The following CCN2 variants were observed in gnomAD, a reference collection of about 807,000 sequenced individuals.
CCN2 encodes the protein cellular communication network factor 2.
In CCN2, 22 loss-of-function variants were observed where a neutral mutation model predicts 33.2. The ratio of observed to expected loss-of-function variants is 0.66; its 90% CI spans 0.47 to 0.95. CCN2 has a LOEUF of 0.95. Among genes scored for constraint, CCN2 ranks in the 40% least tolerant of loss-of-function variants. The pLI is 0.00. For synonymous variants in CCN2, 178 were observed against 200.6 expected (o/e 0.89, Z 0.95); for missense variants, 469 against 498.8 (o/e 0.94, Z 0.57).
intron 1 of CCN2, 57 bp from the exon 2 acceptor site, chr6:131,951,049 C>T: frequency 7.9e-7 from 1 of 1,265,466 alleles, no homozygotes; most frequent in South Asian, 2.8e-5. Context: ...CCCTCCCCGG[C>T]CGGCCCCGAG....
At position 131,951,193 on chromosome 6, in the gene CCN2, C is replaced by T. The variant is rs551939979; in HGVS notation, c.-21G>A. On this transcript the variant is annotated 5_prime_UTR_variant, in exon 1 of 5. Transcript: ENST00000367976. ...GTCATGGTTGGCACTGCGGGCGGAG[C>T]GGAGGGCGCGGTGGCGGCGAGCGGG... The T allele has an allele frequency of 2.3e-6, 3 of 1,295,998 alleles. No homozygotes were observed. Among genetic ancestry groups the T allele is most frequent in the African/African-American group, 3.1e-5 (2 of 65,324 alleles). 80.3% of individuals were successfully genotyped at this position (1,295,998 alleles called of 1,614,324 possible).
chr6:131,949,584 AG>A (rs1585880038), intron 4 of CCN2, 24 bp from the exon 5 acceptor site: 12 of 856,282 alleles, frequency 1.4e-5, no homozygotes, highest in Admixed American at 1.3e-4. Context: ...GGGAAAAGAG[AG>A]AGGAAAAAAA....
Position 131,950,115 on chromosome 6 carries a change from C to G in CCN2, c.587G>C (p.Arg196Thr), listed in dbSNP as rs566555616. 2.5e-6 allele frequency: 4 copies of G among 1,614,212 alleles called. No individual in the cohort carries two copies. The South Asian group carries it at 3.3e-5, about 13-fold the overall frequency. The change falls in exon 4 of 5, where the codon AGA (arginine) becomes ACA (threonine). Residue 196 changes from arginine to threonine, a missense_variant. By Grantham distance (71) the Arg-to-Thr change is moderately conservative. Coordinates refer to ENST00000367976, the MANE Select transcript of CCN2 (RefSeq NM_001901.4). This position sits in a 1 kb window ranked among gnomAD's most constrained non-coding sequence, Gnocchi z 7.1. ...DTFGPDPTMI[R>T]ANCLVQTTEW... ...TGTGGTCTGGACCAGGCAGTTGGCTCTAATCATAGTTGGGTCTGGGCCAAA... is the reference window on the plus strand; with the variant it reads ...TGTGGTCTGGACCAGGCAGTTGGCTGTAATCATAGTTGGGTCTGGGCCAAA...
In CCN2 at chr6:131,950,489, G is replaced by A. The variant is rs754404946; in HGVS notation, c.344C>T (p.Ser115Phe). ...CTGGTACTTGCAGCTGCTCTGGAAG[G>A]ACTCTCCGCTGCGGTACACCGTACC... ...FGGTVYRSGE[S>F]FQSSCKYQCT... Residue 115 changes from serine to phenylalanine, a missense_variant, in exon 3 of 5, where the codon TCC becomes TTC. Ser to Phe is a radical substitution (Grantham distance 155). Transcript: ENST00000367976. The surrounding 1 kb of genome is among the most constrained non-coding windows in gnomAD (Gnocchi z 7.1). 14 of 1,613,946 alleles carry A rather than the reference G, an allele frequency of 8.7e-6. No homozygotes were observed. The highest frequency in any genetic ancestry group is 1.7e-5 in the Admixed American group (1 of 60,034).
At position 131,950,996 on chromosome 6, in the gene CCN2, C is replaced by T. The variant is rs560896250; in HGVS notation, c.67-4G>A. ...TGCAGTTCTGGCCGACGGCCGGCTG[C>T]AGGGAGGACAGGGCGGTCAGCGGCG... On this transcript the variant is annotated splice_polypyrimidine_tract_variant and splice_region_variant and intron_variant, in intron 1 of 4. Transcript: ENST00000367976. This position sits in a 1 kb window ranked among gnomAD's most constrained non-coding sequence, Gnocchi z 7.1. 9.6e-4 allele frequency: 1,255 copies of T among 1,306,384 alleles called. 10 individuals carry two copies. The African/African-American group carries it at 0.016, about 17-fold the overall frequency. The allele number at this position is 1,306,384 out of a possible 1,614,324, so 80.9% of individuals were successfully genotyped here. A position where few individuals can be genotyped will look rare whatever the true frequency, so the allele number is the denominator to read the frequency against.
In CCN2 at chr6:131,950,378, C is replaced by T; in HGVS notation, c.455G>A (p.Arg152Lys). The change falls in exon 3 of 5, where the codon AGG (arginine) becomes AAG (lysine). Residue 152 changes from arginine (R) to lysine (K), a missense_variant. By Grantham distance (26) the Arg-to-Lys change is conservative. Coordinates refer to ENST00000367976, the MANE Select transcript of CCN2 (RefSeq NM_001901.4). The surrounding 1 kb of genome is among the most constrained non-coding windows in gnomAD (Gnocchi z 7.1). The part of the protein sequence containing the change: ...RLPSPDCPFP[R>K]RVKLPGKCCE... ...GCATTTCCCGGGCAGCTTGACCCTC[C>T]TCGGGAAGGGGCAGTCAGGGCTGGG... is the stretch of plus-strand genomic sequence containing the variant. The T allele has an allele frequency of 6.2e-7, 1 of 1,614,132 alleles. No homozygotes were observed. Among genetic ancestry groups the T allele is most frequent in the Non-Finnish European group, 8.5e-7 (1 of 1,180,024 alleles).
chr6:131,950,246 C>T lies in CCN2; in HGVS notation c.541+46G>A. The T allele has an allele frequency of 1.9e-6, 3 of 1,610,164 alleles. No individual in the cohort carries two copies. Among genetic ancestry groups the T allele is most frequent in the Non-Finnish European group, 2.5e-6 (3 of 1,177,008 alleles). On this transcript the variant is annotated intron_variant, in intron 3 of 4. Transcript: ENST00000367976. This position sits in a 1 kb window ranked among gnomAD's most constrained non-coding sequence, Gnocchi z 7.1. The stretch of plus-strand genomic sequence containing the variant: ...CGGTCGGCACAGTTAGGACTCCCTC[C>T]CTGGGAGAGAATCACGACCCTGACT...
chr6:131,950,019 C>CA lies in CCN2; in HGVS notation c.682dup (p.Cys228LeufsTer18). On this transcript the variant is annotated frameshift_variant, in exon 4 of 5. Coordinates refer to ENST00000367976, the MANE Select transcript of CCN2 (RefSeq NM_001901.4). LOFTEE classifies it high-confidence loss of function. This position sits in a 1 kb window ranked among gnomAD's most constrained non-coding sequence, Gnocchi z 7.1. Reference sequence around the variant, plus strand: ...CAGGCGGCTCTGCTTCTCTAGCCTGCAGGAGGCGTTGTCATTGGTAACCCG... The same window carrying CA: ...CAGGCGGCTCTGCTTCTCTAGCCTGCAAGGAGGCGTTGTCATTGGTAACCCG... The CA allele has an allele frequency of 6.2e-7, 1 of 1,614,238 alleles. No homozygotes were observed. Among genetic ancestry groups the CA allele is most frequent in the Non-Finnish European group, 8.5e-7 (1 of 1,180,040 alleles).
At chr6:131,949,648 G>T in intron 4 of CCN2, 88 bp from the exon 5 acceptor site, 2 of 1,214,190 alleles carry the variant, frequency 1.6e-6, no homozygotes, top group Non-Finnish European at 2.3e-6. Context: ...CTGTGTTTTA[G>T]TCTTCTGTTG....
In CCN2 at chr6:131,950,132, T is replaced by C. The variant is rs774432623; in HGVS notation, c.570A>G (p.Pro190=). 6.2e-7 allele frequency: 1 copy of C among 1,614,244 alleles called. No homozygotes were observed. The highest frequency in any genetic ancestry group is 1.1e-5 in the South Asian group (1 of 91,082). ...AGTTGGCTCTAATCATAGTTGGGTC[T>C]GGGCCAAACGTGTCTTCCAGTCGGT... ...AAYRLEDTFG[P]DPTMIRANCL... Residue 190 remains proline, a synonymous_variant, in exon 4 of 5, where the codon CCA becomes CCG. Coordinates refer to ENST00000367976, the MANE Select transcript of CCN2 (RefSeq NM_001901.4). This position sits in a 1 kb window ranked among gnomAD's most constrained non-coding sequence, Gnocchi z 7.1.
rs1362696531 is a variant in CCN2 at position 131,950,253 on chromosome 6, G to A, written c.541+39C>T. The A allele has an allele frequency of 1.9e-6, 3 of 1,610,292 alleles. No individual in the cohort carries two copies. The highest frequency in any genetic ancestry group is 2.5e-6 in the Non-Finnish European group (3 of 1,177,004). On this transcript the variant is annotated intron_variant, in intron 3 of 4. Transcript: ENST00000367976. This position sits in a 1 kb window ranked among gnomAD's most constrained non-coding sequence, Gnocchi z 7.1. ...CACAGTTAGGACTCCCTCCCTGGGA[G>A]AGAATCACGACCCTGACTTAGAGGA...
chr6:131,949,852 T>C, intron 4 of CCN2, 97 bp downstream of exon 4: 2 of 1,187,580 alleles, frequency 1.7e-6, no homozygotes, highest in Non-Finnish European at 2.4e-6. Context: ...GTTTTGGAGA[T>C]AACGGGCTTA....
In CCN2 at chr6:131,950,875, T is replaced by G. The variant is rs1185846352; in HGVS notation, c.184A>C (p.Lys62Gln). ...DGCGCCRVCA[K>Q]QLGELCTERD... is the part of the protein sequence containing the mutation. The stretch of plus-strand genomic sequence containing the variant: ...TCGGTGCACAGCTCGCCCAGCTGCT[T>G]GGCGCAGACGCGGCAGCAGCCGCAG... The change falls in exon 2 of 5, where the codon AAG becomes CAG. Residue 62 changes from lysine to glutamine, a missense_variant. Physicochemically the swap from Lys to Gln is moderately conservative, Grantham distance 53 (BLOSUM62 1). Transcript: ENST00000367976. The surrounding 1 kb of genome is among the most constrained non-coding windows in gnomAD (Gnocchi z 7.1). The G allele has an allele frequency of 6.5e-7, 1 of 1,532,198 alleles. No homozygotes were observed. The highest frequency in any genetic ancestry group is 8.7e-7 in the Non-Finnish European group (1 of 1,146,150). The allele number at this position is 1,532,198 out of a possible 1,614,324, so 94.9% of individuals were successfully genotyped here.
rs1370947025 is a variant in CCN2 at position 131,949,999 on chromosome 6, G to A, written c.703C>T (p.Arg235Cys). Residue 235 changes from arginine to cysteine, a missense_variant, in exon 4 of 5, where the codon CGC becomes TGC. By Grantham distance (180) the Arg-to-Cys change is radical. Transcript: ENST00000367976. ...NASCRLEKQSRLCMVRPCEAD... is the reference protein window; with the variant it reads ...NASCRLEKQSCLCMVRPCEAD... Reference sequence around the variant, plus strand: ...TCGCAAGGCCTGACCATGCACAGGCGGCTCTGCTTCTCTAGCCTGCAGGAG... The same window carrying A: ...TCGCAAGGCCTGACCATGCACAGGCAGCTCTGCTTCTCTAGCCTGCAGGAG... 3 of 1,614,184 alleles carry A rather than the reference G, an allele frequency of 1.9e-6. No individual in the cohort carries two copies. Among genetic ancestry groups the A allele is most frequent in the Admixed American group, 1.7e-5 (1 of 60,034 alleles).
At chr6:131,949,692 T>C in intron 4 of CCN2, 132 bp from the exon 5 acceptor site, 1 of 971,904 alleles carries the variant, frequency 1.0e-6, no homozygotes, top group Non-Finnish European at 1.5e-6. Flanking sequence ...GGGGAGGAAG[T>C]TTGAGTCTCA....
intron 1 of CCN2, 55 bp from the exon 2 acceptor site, chr6:131,951,047 G>T: frequency 1.6e-6 from 2 of 1,264,380 alleles, no homozygotes; most frequent in Non-Finnish European, 2.0e-6. Flanking sequence ...CGCCCTCCCC[G>T]GCCGGCCCCG....
chr6:131,950,730 AGGC>A lies in CCN2; in HGVS notation c.289+37_289+39del. On this transcript the variant is annotated intron_variant, in intron 2 of 4. Coordinates refer to ENST00000367976, the MANE Select transcript of CCN2 (RefSeq NM_001901.4). The surrounding 1 kb of genome is among the most constrained non-coding windows in gnomAD (Gnocchi z 7.1). ...AGCGGGCGGGTGGGCGTGAGGGAGGAGGCGGCCGGACACCTAGCGGTGGGGGCT... is the reference window on the plus strand; with the variant it reads ...AGCGGGCGGGTGGGCGTGAGGGAGGAGGCCGGACACCTAGCGGTGGGGGCT... The A allele has an allele frequency of 6.7e-7, 1 of 1,499,016 alleles. No homozygotes were observed. Among genetic ancestry groups the A allele is most frequent in the Non-Finnish European group, 8.9e-7 (1 of 1,122,150 alleles). 92.9% of individuals were successfully genotyped at this position (1,499,016 alleles called of 1,614,324 possible). A position where few individuals can be genotyped will look rare whatever the true frequency, so the allele number is the denominator to read the frequency against.
Position 131,949,331 on chromosome 6 carries a change from T to C in CCN2, c.983A>G (p.Asn328Ser), listed in dbSNP as rs771598402. ...AAAGATGTCATTGTCTCCGGGACAG[T>C]TGTAATGGCAGGCACAGGTCTTGAT... The part of the protein sequence containing the change: ...MFIKTCACHY[N>S]CPGDNDIFES... The change falls in exon 5 of 5, where the codon AAC becomes AGC. Residue 328 changes from asparagine (N) to serine (S), a missense_variant. Physicochemically the swap from Asn to Ser is conservative, Grantham distance 46. Coordinates refer to ENST00000367976, the MANE Select transcript of CCN2 (RefSeq NM_001901.4). 3.1e-6 allele frequency: 5 copies of C among 1,614,204 alleles called. No homozygotes were observed. Among genetic ancestry groups the C allele is most frequent in the Admixed American group, 1.7e-5 (1 of 60,026 alleles).
In CCN2 at chr6:131,950,428, G is replaced by A. The variant is rs559451080; in HGVS notation, c.405C>T (p.Pro135=). Residue 135 remains proline (P), a synonymous_variant, in exon 3 of 5, where the codon CCC becomes CCT. Coordinates refer to ENST00000367976, the MANE Select transcript of CCN2 (RefSeq NM_001901.4). This position sits in a 1 kb window ranked among gnomAD's most constrained non-coding sequence, Gnocchi z 7.1. ...TCLDGAVGCM[P]LCSMDVRLPS... is the part of the protein sequence containing the mutation. ...GCAGACGAACGTCCATGCTGCACAG[G>A]GGCATGCAGCCCACCGCCCCGTCCA... 150 of 1,614,012 alleles carry A rather than the reference G, an allele frequency of 9.3e-5. 1 individual carries two copies. In the South Asian group the frequency reaches 1.6e-3, roughly 17 times the overall value.
Sources: gnomAD v4.1 joint callset for allele counts on GRCh38, gnomAD v4.1.1 for gene constraint, Gnocchi (gnomAD v3.1) non-coding constraint, MANE v1.5 for transcripts, NCBI Gene and HGNC (gene_info 2026-07-23, HGNC 2026-07-21) for gene names.